Variants in TNKS observed in about 807,000 individuals in gnomAD.
The protein encoded by TNKS is tankyrase.
TNKS carries 72 observed loss-of-function variants against 135.8 expected under a neutral mutation model. That is an observed-to-expected ratio of 0.53 (90% confidence interval 0.44 to 0.64). The LOEUF (loss-of-function observed/expected upper bound fraction) is 0.64. TNKS is among the 30% of genes least tolerant of loss of function. TNKS has a pLI of 0.00. For missense variants in TNKS, 1,769 were observed against 1,674.0 expected, an observed-to-expected ratio of 1.06 and a Z score of -0.99; for synonymous variants, 849 against 649.3, an observed-to-expected ratio of 1.31 and a Z score of -4.68.
intron 17 of TNKS, among the ~76,000 whole-genome samples, chr8:9,745,718 T>C (rs1349611762): frequency 3.3e-5 from 5 of 152,154 alleles, no homozygotes; most frequent in Non-Finnish European, 7.4e-5. Context: ...TTTTTGTTTT[T>C]GGGGGCGTTT....
chr8:9,586,026 TA>T (rs1798367453), intron 2 of TNKS, among the ~76,000 whole-genome samples: 1 of 152,154 alleles, frequency 6.6e-6, no homozygotes, highest in Admixed American at 6.6e-5. Context: ...AATGAGATAA[TA>T]TACGTGAAAC....
intron 3 of TNKS, among the ~76,000 whole-genome samples, chr8:9,646,594 G>A (rs1050959783): frequency 1.3e-5 from 2 of 152,048 alleles, no homozygotes; most frequent in Non-Finnish European, 2.9e-5. Flanking sequence ...AATATTAAAT[G>A]ACATGTATTA....
intron 13 of TNKS, among the ~76,000 whole-genome samples, chr8:9,727,666 C>G (rs1805231016): frequency 1.3e-5 from 2 of 152,200 alleles, no homozygotes; most frequent in South Asian, 2.1e-4. Context: ...TTTGTCACCT[C>G]TTCTTAAGCA....
intron 26 of TNKS, among the ~76,000 whole-genome samples, chr8:9,775,799 T>C (rs1331273937): frequency 6.6e-6 from 1 of 152,078 alleles, no homozygotes; most frequent in African/African-American, 2.4e-5. Context: ...AACACTTTGC[T>C]CACCCAAGAG....
intron 17 of TNKS, among the ~76,000 whole-genome samples, chr8:9,736,102 A>G (rs952053900): frequency 1.3e-5 from 2 of 149,566 alleles, no homozygotes; most frequent in Non-Finnish European, 3.0e-5. Flanking sequence ...ATAATGTAAA[A>G]TAATATAATA....
At chr8:9,676,015 T>TC (rs1802517477) in intron 3 of TNKS, among the ~76,000 whole-genome samples, 1 of 150,698 alleles carries the variant, frequency 6.6e-6, no homozygotes, top group Non-Finnish European at 1.5e-5. Context: ...AATTTTTTTT[T>TC]TTTTTTTTTT....
intron 3 of TNKS, among the ~76,000 whole-genome samples, chr8:9,657,728 G>C (rs1355306244): frequency 7.8e-6 from 1 of 127,842 alleles, no homozygotes; most frequent in Non-Finnish European, 1.7e-5. Context: ...AGGGGCGGCC[G>C]GGCAGAGGCG....
chr8:9,759,982 GAA>G (rs1350300406), intron 20 of TNKS, among the ~76,000 whole-genome samples: 1 of 143,340 alleles, frequency 7.0e-6, no homozygotes, highest in African/African-American at 2.6e-5. Flanking sequence ...TGTCTCAAAA[GAA>G]AACAAAACAA....
intron 20 of TNKS, among the ~76,000 whole-genome samples, chr8:9,760,375 T>C (rs568471609): frequency 4.4e-4 from 67 of 152,340 alleles, no homozygotes; most frequent in African/African-American, 1.5e-3. Flanking sequence ...ACGAGTGATA[T>C]ATGCTCATTT....
chr8:9,715,999 C>G (rs1050410240), intron 11 of TNKS, among the ~76,000 whole-genome samples: 3 of 152,098 alleles, frequency 2.0e-5, no homozygotes, highest in Non-Finnish European at 2.9e-5. Context: ...ATATGGTATT[C>G]AAGAAGTTTA....
intron 3 of TNKS, among the ~76,000 whole-genome samples, chr8:9,674,332 C>G (rs1654509806): frequency 6.6e-6 from 1 of 151,916 alleles, no homozygotes; most frequent in African/African-American, 2.4e-5. Flanking sequence ...CATTCTAGAT[C>G]TGTTATTCAG....
chr8:9,667,374 A>G (rs1338637252), intron 3 of TNKS, among the ~76,000 whole-genome samples: 2 of 152,246 alleles, frequency 1.3e-5, no homozygotes, highest in African/African-American at 4.8e-5. Flanking sequence ...TTGTCTGTGA[A>G]AAGAAAATTA....
At chr8:9,598,919 G>A (rs1798912947) in intron 2 of TNKS, among the ~76,000 whole-genome samples, 1 of 150,318 alleles carries the variant, frequency 6.7e-6, no homozygotes, top group African/African-American at 2.4e-5. Flanking sequence ...TAGCAGTTTA[G>A]GGAAAGATTC....
intron 2 of TNKS, among the ~76,000 whole-genome samples, chr8:9,586,723 G>A (rs1271969865): frequency 1.0e-4 from 2 of 19,952 alleles, no homozygotes; most frequent in African/African-American, 5.0e-4. Flanking sequence ...TATCTAAAAC[G>A]TGTGTGTGTG....
At chr8:9,632,546 ACT>A (rs1314929382) in intron 3 of TNKS, among the ~76,000 whole-genome samples, 5 of 152,060 alleles carry the variant, frequency 3.3e-5, no homozygotes, top group African/African-American at 1.2e-4. Flanking sequence ...ATACTAGGTA[ACT>A]CTTTCTTTCA....
Position 9,556,195 on chromosome 8 carries a change from G to T in TNKS, c.256G>T (p.Gly86Cys). The T allele has an allele frequency of 6.2e-7, 1 of 1,613,636 alleles. No homozygotes were observed. Among genetic ancestry groups the T allele is most frequent in the South Asian group, 1.1e-5 (1 of 91,080 alleles). Residue 86 changes from glycine to cysteine, a missense_variant, in exon 1 of 27, where the codon GGT becomes TGT. By Grantham distance (159) the Gly-to-Cys change is radical. Around this residue, in one of 5 missense-constraint regions of TNKS, gnomAD observed 450 missense variants for 304.9 expected, o/e 1.48. Coordinates refer to ENST00000310430, the MANE Select transcript of TNKS (RefSeq NM_003747.3). The stretch of plus-strand genomic sequence containing the variant: ...GCCCCGATCCCCGGACCCGGTTGAC[G>T]GTACCAGCTGTTGCAGTACCACCAG... ...DRPRSPDPVD[G>C]TSCCSTTSTI...
intron 11 of TNKS, among the ~76,000 whole-genome samples, chr8:9,710,752 C>T (rs940901307): frequency 3.3e-5 from 5 of 152,004 alleles, no homozygotes; most frequent in African/African-American, 1.2e-4. Context: ...AAAAATTAGC[C>T]GGGCGTGGTG....
intron 1 of TNKS, among the ~76,000 whole-genome samples, chr8:9,562,935 G>T (rs185266815): frequency 4.6e-5 from 7 of 151,820 alleles, no homozygotes; most frequent in African/African-American, 1.7e-4. Flanking sequence ...CAGGTATGTG[G>T]TATGGCTTTT....
chr8:9,608,603 G>T (rs1286192224), intron 2 of TNKS, among the ~76,000 whole-genome samples: 1 of 152,142 alleles, frequency 6.6e-6, no homozygotes, highest in Non-Finnish European at 1.5e-5. Context: ...GTACAGCCCA[G>T]CCCAGCCATG....
Sources: gnomAD v4.1 joint callset for allele counts (sites outside exome capture counted in the v4.1 genomes callset) on GRCh38, gnomAD v4.1.1 for gene constraint, gnomAD v4.1.1 regional missense constraint, MANE v1.5 for transcripts, NCBI Gene and HGNC (gene_info 2026-07-23, HGNC 2026-07-21) for gene names.